CPLX4: variants seen among roughly 807,000 people sequenced by gnomAD.
CPLX4 encodes complexin-4.
CPLX4 carries 17 observed loss-of-function variants against 16.1 expected under a neutral mutation model. The ratio of observed to expected loss-of-function variants is 1.06; its 90% CI spans 0.72 to 1.59. CPLX4 has a LOEUF of 1.59. CPLX4 is among the 40% of genes most tolerant of loss of function. The pLI, the probability that CPLX4 is intolerant of heterozygous loss-of-function variation, is 0.00. For missense variants in CPLX4, 193 were observed against 192.9 expected (o/e 1.00, Z 0.00); for synonymous variants, 55 against 57.8 (o/e 0.95, Z 0.22).
chr18:59,318,134 A>T (rs1269088358), intron 1 of CPLX4, among the ~76,000 whole-genome samples, 162 bp downstream of exon 1: 1 of 152,188 alleles, frequency 6.6e-6, no homozygotes, highest in Admixed American at 6.5e-5. Context: ...GATGTTAGGG[A>T]ACCGTTTACT....
At chr18:59,308,949 GC>G (rs1201648775) in intron 2 of CPLX4, among the ~76,000 whole-genome samples, 6 of 152,254 alleles carry the variant, frequency 3.9e-5, no homozygotes, top group African/African-American at 1.4e-4. Context: ...GGGCTGGTTT[GC>G]AAGCGCAAAG....
intron 1 of CPLX4, among the ~76,000 whole-genome samples, chr18:59,317,013 C>G (rs2070655269): frequency 6.6e-6 from 1 of 152,118 alleles, no homozygotes; most frequent in Non-Finnish European, 1.5e-5. Context: ...TTGCCCAAGT[C>G]TTAGCACCAT....
intron 2 of CPLX4, among the ~76,000 whole-genome samples, chr18:59,297,970 G>A (rs62094024): frequency 0.25 from 38,097 of 152,124 alleles, 5,095 homozygotes; most frequent in South Asian, 0.34. Context: ...TCAGCATACT[G>A]GCAGTCTAGC....
chr18:59,304,787 GTCTCGA>G (rs1345307672), intron 2 of CPLX4, among the ~76,000 whole-genome samples: 2 of 152,156 alleles, frequency 1.3e-5, no homozygotes, highest in East Asian at 3.9e-4. Flanking sequence ...GGCCAGGATC[GTCTCGA>G]TCTCCTGACC....
intron 2 of CPLX4, among the ~76,000 whole-genome samples, chr18:59,304,786 C>T (rs991120438): frequency 2.4e-4 from 37 of 152,164 alleles, no homozygotes; most frequent in South Asian, 1.0e-3. Flanking sequence ...TGGCCAGGAT[C>T]GTCTCGATCT....
chr18:59,302,478 T>C (rs1053146176), intron 2 of CPLX4, among the ~76,000 whole-genome samples: 3 of 152,254 alleles, frequency 2.0e-5, no homozygotes, highest in Admixed American at 1.3e-4. Flanking sequence ...CTATACTTTG[T>C]TCTTAGAGGC....
chr18:59,317,957 T>G (rs190415875), intron 1 of CPLX4, among the ~76,000 whole-genome samples: 118 of 152,258 alleles, frequency 7.7e-4, no homozygotes, highest in African/African-American at 2.6e-3. Context: ...TTAGAAAGAA[T>G]GTAAAGATAG....
At chr18:59,310,454 T>C (rs1387899593) in intron 2 of CPLX4, among the ~76,000 whole-genome samples, 1 of 152,190 alleles carries the variant, frequency 6.6e-6, no homozygotes, top group Non-Finnish European at 1.5e-5. Context: ...TGTTCACCCC[T>C]GAAGATCTGG....
intron 1 of CPLX4, among the ~76,000 whole-genome samples, chr18:59,316,925 C>T (rs2070654785): frequency 6.6e-6 from 1 of 152,096 alleles, no homozygotes; most frequent in African/African-American, 2.4e-5. Flanking sequence ...TTACACAGTA[C>T]TTATTTTGCT....
At chr18:59,307,753 ATTTT>A (rs527371314) in intron 2 of CPLX4, among the ~76,000 whole-genome samples, 4 of 130,930 alleles carry the variant, frequency 3.1e-5, no homozygotes, top group Non-Finnish European at 6.3e-5. Flanking sequence ...TGTTTTTCTG[ATTTT>A]TTTTTTTTTT....
chr18:59,306,202 A>G (rs1477292656), intron 2 of CPLX4, among the ~76,000 whole-genome samples: 1 of 152,210 alleles, frequency 6.6e-6, no homozygotes, highest in African/African-American at 2.4e-5. Context: ...GCCAATCAAG[A>G]AGGAGAAACT....
chr18:59,300,478 G>A (rs568732350), intron 2 of CPLX4, among the ~76,000 whole-genome samples: 41 of 152,254 alleles, frequency 2.7e-4, no homozygotes, highest in Admixed American at 1.8e-3. Flanking sequence ...CGTAGCTATC[G>A]GTTTATCTTT....
intron 1 of CPLX4, among the ~76,000 whole-genome samples, chr18:59,317,677 A>G (rs1406770389): frequency 6.6e-6 from 1 of 152,080 alleles, no homozygotes; most frequent in Non-Finnish European, 1.5e-5. Context: ...TGTTGATTTT[A>G]TGTCATAGGT....
chr18:59,297,455 T>C (rs2070509675), intron 2 of CPLX4, among the ~76,000 whole-genome samples: 1 of 152,066 alleles, frequency 6.6e-6, no homozygotes, highest in African/African-American at 2.4e-5. Context: ...TTTTTTTGTA[T>C]TTTTAGTAGA....
chr18:59,300,881 A>G (rs1407895877), intron 2 of CPLX4, among the ~76,000 whole-genome samples: 1 of 152,158 alleles, frequency 6.6e-6, no homozygotes, highest in African/African-American at 2.4e-5. Flanking sequence ...AGCCAGGCTT[A>G]GTCATTTCCT....
chr18:59,315,805 G>A (rs2070647598), intron 1 of CPLX4, among the ~76,000 whole-genome samples: 1 of 152,032 alleles, frequency 6.6e-6, no homozygotes, highest in Admixed American at 6.6e-5. Context: ...GATTATTTTG[G>A]CGCTTTTGTT....
chr18:59,301,129 T>A (rs2070538430), intron 2 of CPLX4, among the ~76,000 whole-genome samples: 2 of 152,234 alleles, frequency 1.3e-5, no homozygotes, highest in South Asian at 4.1e-4. Flanking sequence ...CTAGTCTGCC[T>A]GGCCACTCTC....
intron 2 of CPLX4, among the ~76,000 whole-genome samples, chr18:59,310,228 T>TC (rs11394516): frequency 0.27 from 40,863 of 151,884 alleles, 5,601 homozygotes; most frequent in Middle Eastern, 0.35. Flanking sequence ...TGTCGGTCCC[T>TC]CCCCCTAGCT....
rs912172227 is a variant in CPLX4 at position 59,297,774 on chromosome 18, C to A, written c.256-849G>T. Among the ~76,000 whole-genome samples, 5 of 152,218 alleles carry A rather than the reference C, an allele frequency of 3.3e-5. No homozygotes were observed. In the East Asian group the frequency reaches 7.7e-4, roughly 23 times the overall value. Reference sequence around the variant, plus strand: ...CAGTTTATAGTAACTAGACAGTATGCATTAATTCACTCATCACACCTTAGT... The same window carrying A: ...CAGTTTATAGTAACTAGACAGTATGAATTAATTCACTCATCACACCTTAGT... On this transcript the variant is annotated intron_variant, in intron 2 of 2. Coordinates refer to ENST00000299721, the MANE Select transcript of CPLX4 (RefSeq NM_181654.4).
Sources: gnomAD v4.1 joint callset for allele counts (sites outside exome capture counted in the v4.1 genomes callset) on GRCh38, gnomAD v4.1.1 for gene constraint, MANE v1.5 for transcripts, NCBI Gene and HGNC (gene_info 2026-07-23, HGNC 2026-07-21) for gene names.